The following RRM2B variants were observed in gnomAD, a reference collection of about 807,000 sequenced individuals.
RRM2B encodes the protein ribonucleoside-diphosphate reductase subunit M2 B.
Under a neutral mutation model 45.9 loss-of-function variants are expected in RRM2B, and 20 were observed. That is an observed-to-expected ratio of 0.44 (90% CI 0.31 to 0.63). The LOEUF (loss-of-function observed/expected upper bound fraction) is 0.63. Among genes scored for constraint, RRM2B ranks in the 30% least tolerant of loss-of-function variants. The pLI, the probability that RRM2B is intolerant of heterozygous loss-of-function variation, is 0.09. For synonymous variants in RRM2B, 124 were observed against 132.3 expected, an observed-to-expected ratio of 0.94 and a Z score of 0.43; for missense variants, 320 against 414.7, an observed-to-expected ratio of 0.77 and a Z score of 1.98.
chr8:102,236,881 T>A (rs1287973131), intron 1 of RRM2B, among the ~76,000 whole-genome samples: 1 of 152,144 alleles, frequency 6.6e-6, no homozygotes, highest in African/African-American at 2.4e-5. Context: ...TAGGTCAAGA[T>A]TTCCCAGCAA....
At chr8:102,218,434 T>C (rs183750253) in intron 6 of RRM2B, among the ~76,000 whole-genome samples, 9 of 152,214 alleles carry the variant, frequency 5.9e-5, no homozygotes, top group Non-Finnish European at 1.2e-4. Context: ...GAAAAATAAA[T>C]AGGCTGGGTA....
chr8:102,236,580 G>A (rs1454073996), intron 1 of RRM2B, among the ~76,000 whole-genome samples: 1 of 152,196 alleles, frequency 6.6e-6, no homozygotes, highest in Admixed American at 6.5e-5. Context: ...ACTCTTTTGG[G>A]AGTTTTTTGG....
chr8:102,208,283 A>G lies in RRM2B; in HGVS notation c.906T>C (p.Val302=). The G allele has an allele frequency of 6.5e-7, 1 of 1,548,960 alleles. No individual in the cohort carries two copies. The highest frequency in any genetic ancestry group is 8.9e-7 in the Non-Finnish European group (1 of 1,121,594). Residue 302 remains valine (V), a splice_region_variant and synonymous_variant, in exon 9 of 9, where the codon GTT becomes GTC. Transcript: ENST00000251810. ...RLLVELGFSK[V]FQAENPFDFM... ...AATCAAAAGGATTTTCTGCCTGAAA[A>G]ACCTAAAAAGGAAAGAAATATTATT...
chr8:102,237,828 A>G (rs1457399065), intron 1 of RRM2B, among the ~76,000 whole-genome samples: 2 of 152,230 alleles, frequency 1.3e-5, no homozygotes, highest in Non-Finnish European at 2.9e-5. Flanking sequence ...GCTTACAAAA[A>G]TCAAGTTAAA....
chr8:102,221,385 G>A (rs993919663), intron 5 of RRM2B, among the ~76,000 whole-genome samples: 1 of 152,234 alleles, frequency 6.6e-6, no homozygotes, highest in Non-Finnish European at 1.5e-5. Flanking sequence ...AGGTGAAAGA[G>A]CTGCCCTTTT....
intron 3 of RRM2B, among the ~76,000 whole-genome samples, chr8:102,225,370 G>A (rs1379917681): frequency 6.6e-6 from 1 of 151,614 alleles, no homozygotes; most frequent in Non-Finnish European, 1.5e-5. Flanking sequence ...AATAGCTGGG[G>A]CTACAGGCAT....
intron 6 of RRM2B, among the ~76,000 whole-genome samples, chr8:102,216,211 A>C (rs1234214193): frequency 1.3e-5 from 2 of 152,034 alleles, no homozygotes; most frequent in Non-Finnish European, 2.9e-5. Flanking sequence ...TTACTTAACA[A>C]GGCAAATTGG....
chr8:102,221,933 G>C (rs543879010), intron 5 of RRM2B, among the ~76,000 whole-genome samples: 1 of 152,242 alleles, frequency 6.6e-6, no homozygotes, highest in Admixed American at 6.5e-5. Context: ...CCTTGTGAGG[G>C]AATCAGCTGA....
intron 1 of RRM2B, among the ~76,000 whole-genome samples, chr8:102,233,468 A>G (rs1033318701): frequency 1.3e-5 from 2 of 152,246 alleles, no homozygotes; most frequent in Non-Finnish European, 2.9e-5. Context: ...AGAGCTTAGT[A>G]TCGTGTCAAG....
At chr8:102,219,950 T>G (rs1810801053) in intron 5 of RRM2B, among the ~76,000 whole-genome samples, 2 of 152,166 alleles carry the variant, frequency 1.3e-5, no homozygotes. Flanking sequence ...TAAAATCCAT[T>G]CTAGGCCAAG....
Position 102,204,972 on chromosome 8 carries a change from T to C in RRM2B, c.*3161A>G, listed in dbSNP as rs1810519307. 1 of 152,230 alleles carries C rather than the reference T, an allele frequency of 6.6e-6. No homozygotes were observed. The highest frequency in any genetic ancestry group is 2.1e-4 in the South Asian group (1 of 4,834). 9.4% of individuals were successfully genotyped at this position (152,230 alleles called of 1,614,324 possible). Reference sequence around the variant, plus strand: ...TCCTAATGCCTCGGGAATATGAGATTCTCTTTCAAATCTTTAACTTTTTAC... The same window carrying C: ...TCCTAATGCCTCGGGAATATGAGATCCTCTTTCAAATCTTTAACTTTTTAC... On this transcript the variant is annotated 3_prime_UTR_variant, in exon 9 of 9. Coordinates refer to ENST00000251810, the MANE Select transcript of RRM2B (RefSeq NM_015713.5).
rs184423256 is a variant in RRM2B, at chr8:102,210,041, A to T, written c.904-1756T>A. On this transcript the variant is annotated intron_variant, in intron 8 of 8. Coordinates refer to ENST00000251810, the MANE Select transcript of RRM2B (RefSeq NM_015713.5). ...GAGGAGTGACTGACTGCTAATAGGG[A>T]TACAGTTTCTTTATGGGGTGATAAA... Among the ~76,000 whole-genome samples the T allele has an allele frequency of 7.2e-3, 1,090 of 152,308 alleles. 6 individuals are homozygous for T. Among genetic ancestry groups the T allele is most frequent in the Non-Finnish European group, 0.011 (749 of 68,012 alleles).
At chr8:102,212,172 T>C (rs764561510) in intron 8 of RRM2B, among the ~76,000 whole-genome samples, 9 of 152,318 alleles carry the variant, frequency 5.9e-5, no homozygotes, top group Non-Finnish European at 1.2e-4. Flanking sequence ...TTACTATCTC[T>C]AATTTATAGA....
At chr8:102,230,327 C>T (rs1459204095) in intron 2 of RRM2B, among the ~76,000 whole-genome samples, 1 of 152,142 alleles carries the variant, frequency 6.6e-6, no homozygotes, top group Non-Finnish European at 1.5e-5. Context: ...GAACACGTAC[C>T]AACCTGTAGA....
intron 8 of RRM2B, among the ~76,000 whole-genome samples, chr8:102,208,880 G>T (rs1034728749): frequency 6.6e-6 from 1 of 152,334 alleles, no homozygotes; most frequent in Middle Eastern, 3.4e-3. Context: ...CGAGCATGGT[G>T]GCTCATGCCT....
chr8:102,224,616 G>A (rs1370426630), intron 4 of RRM2B, among the ~76,000 whole-genome samples: 1 of 152,086 alleles, frequency 6.6e-6, no homozygotes, highest in Admixed American at 6.6e-5. Context: ...TTTGAATCTG[G>A]TCTCATACAA....
At chr8:102,224,278 T>G (rs1587178712) in intron 4 of RRM2B, 138 bp from the exon 5 acceptor site, 2 of 611,400 alleles carry the variant, frequency 3.3e-6, no homozygotes, top group Non-Finnish European at 3.0e-6. Flanking sequence ...ACCTCCCGGG[T>G]TCATGCCATT....
intron 6 of RRM2B, among the ~76,000 whole-genome samples, chr8:102,215,944 C>CAAAAAAAAAAAAAAAAAAAAAAAAATA (rs60059243): frequency 1.3e-5 from 1 of 75,714 alleles, no homozygotes; most frequent in Non-Finnish European, 2.4e-5. Flanking sequence ...GACCCTGTCT[C>CAAAAAAAAAAAAAAAAAAAAAAAAATA]AAAAAAAAAA....
chr8:102,238,080 C>T (rs1811153356), intron 1 of RRM2B, among the ~76,000 whole-genome samples: 3 of 152,168 alleles, frequency 2.0e-5, no homozygotes, highest in African/African-American at 7.2e-5. Context: ...CCATACAATC[C>T]TACAGTCTAA....
Sources: gnomAD v4.1 joint callset for allele counts (sites outside exome capture counted in the v4.1 genomes callset) on GRCh38, gnomAD v4.1.1 for gene constraint, MANE v1.5 for transcripts, NCBI Gene and HGNC (gene_info 2026-07-23, HGNC 2026-07-21) for gene names.